The following ALPK2 variants were observed in gnomAD, a reference collection of about 807,000 sequenced individuals.
ALPK2 encodes alpha kinase 2.
ALPK2 carries 127 observed loss-of-function variants against 163.1 expected under a neutral mutation model. The observed-to-expected ratio is 0.78, with a 90% CI of 0.67 to 0.90. The LOEUF is 0.90. Among genes scored for constraint, ALPK2 ranks in the 40% least tolerant of loss-of-function variants. The probability of loss-of-function intolerance (pLI) is 0.00; values close to 1 mark genes in which losing one functional copy is unlikely to be tolerated. For missense variants in ALPK2, 2,360 were observed against 2,589.6 expected (o/e 0.91, Z 1.92); for synonymous variants, 953 against 959.1 (o/e 0.99, Z 0.12).
At chr18:58,501,971 A>G (rs540696654) in intron 11 of ALPK2, among the ~76,000 whole-genome samples, 2 of 152,234 alleles carry the variant, frequency 1.3e-5, no homozygotes, top group East Asian at 1.9e-4. Flanking sequence ...GAATCACTCC[A>G]TATATTTTTA....
At chr18:58,497,935 A>G in intron 12 of ALPK2, 114 bp downstream of exon 12, 1 of 891,680 alleles carries the variant, frequency 1.1e-6, no homozygotes, top group South Asian at 1.5e-5. Context: ...AACATTCGTC[A>G]TCCACAGTTA....
chr18:58,627,447 C>A (rs564142630), intron 1 of ALPK2, among the ~76,000 whole-genome samples: 1 of 149,040 alleles, frequency 6.7e-6, no homozygotes, highest in East Asian at 2.0e-4. Flanking sequence ...ATGGTGAAAC[C>A]CCATCTCAAC....
intron 4 of ALPK2, among the ~76,000 whole-genome samples, chr18:58,574,259 A>T (rs986253981): frequency 1.3e-5 from 2 of 150,830 alleles, no homozygotes; most frequent in African/African-American, 4.9e-5. Context: ...CCTGACCAAC[A>T]TGGTGAAACC....
At position 58,535,525 on chromosome 18, in the gene ALPK2, C is replaced by G; in HGVS notation, c.4662G>C (p.Gly1554=). The G allele has an allele frequency of 4.3e-6, 7 of 1,614,116 alleles. No individual in the cohort carries two copies. Among genetic ancestry groups the G allele is most frequent in the Non-Finnish European group, 5.9e-6 (7 of 1,179,990 alleles). ...CLPIMTHASL[G]VDTHNSTGQI... ...GGCCTGTGGAGTTGTGCGTGTCAAC[C>G]CCAAGAGAAGCGTGAGTCATTATTG... Residue 1554 remains glycine, a synonymous_variant, in exon 5 of 13, where the codon GGG becomes GGC. Transcript: ENST00000361673.
chr18:58,569,632 T>G (rs966872391), intron 4 of ALPK2, among the ~76,000 whole-genome samples: 3 of 152,192 alleles, frequency 2.0e-5, no homozygotes, highest in Non-Finnish European at 4.4e-5. Context: ...TATTGATTAT[T>G]TAACCCTGAC....
At chr18:58,570,305 A>G (rs1384238252) in intron 4 of ALPK2, among the ~76,000 whole-genome samples, 1 of 152,234 alleles carries the variant, frequency 6.6e-6, no homozygotes, top group African/African-American at 2.4e-5. Flanking sequence ...ACTGTATTAC[A>G]AGATGGTTTA....
chr18:58,485,423 C>T (rs2051333626), intron 12 of ALPK2, among the ~76,000 whole-genome samples: 2 of 152,180 alleles, frequency 1.3e-5, no homozygotes, highest in South Asian at 4.1e-4. Flanking sequence ...GCTAAAGCGG[C>T]AGCCTGCAGC....
chr18:58,534,872 T>G lies in ALPK2; in HGVS notation c.5315A>C (p.Gln1772Pro). 3 of 1,611,826 alleles carry G rather than the reference T, an allele frequency of 1.9e-6. No individual in the cohort carries two copies. Among genetic ancestry groups the G allele is most frequent in the Non-Finnish European group, 2.5e-6 (3 of 1,179,330 alleles). The change falls in exon 5 of 13, where the codon CAA (glutamine) becomes CCA (proline). Residue 1772 changes from glutamine to proline, a missense_variant. Transcript: ENST00000361673. ...ETSLSHTEEKQDPKKPSCKRE... is the reference protein window; with the variant it reads ...ETSLSHTEEKPDPKKPSCKRE... The stretch of plus-strand genomic sequence containing the variant: ...TTTGCAAGATGGCTTTTTTGGGTCT[T>G]GTTTCTCTTCTGTGTGTGATAATGA...
chr18:58,595,694 C>T (rs2052037454), intron 3 of ALPK2, among the ~76,000 whole-genome samples: 2 of 152,234 alleles, frequency 1.3e-5, no homozygotes, highest in African/African-American at 4.8e-5. Flanking sequence ...GGGATATAAG[C>T]ATCAATACTT....
At chr18:58,483,142 C>T (rs1021519630) in intron 12 of ALPK2, among the ~76,000 whole-genome samples, 1 of 152,132 alleles carries the variant, frequency 6.6e-6, no homozygotes, top group African/African-American at 2.4e-5. Context: ...TCCTTGTCAC[C>T]GCAGATGAGC....
intron 5 of ALPK2, among the ~76,000 whole-genome samples, chr18:58,533,652 C>T (rs754914046): frequency 2.6e-5 from 4 of 151,958 alleles, no homozygotes; most frequent in Non-Finnish European, 4.4e-5. Context: ...GATGGGGTTT[C>T]GCCATGTTGC....
chr18:58,597,150 T>C (rs1451410078), intron 3 of ALPK2, among the ~76,000 whole-genome samples: 1 of 151,908 alleles, frequency 6.6e-6, no homozygotes, highest in Admixed American at 6.6e-5. Flanking sequence ...TTTAGTCAGG[T>C]GTGGTGGTGG....
rs138127797 is a variant in ALPK2 at position 58,578,738 on chromosome 18, A to ACACACGCGCGCACGCGCGCGCGCG, written c.1962+75_1962+76insCGCGCGCGCGCGTGCGCGCGTGTG. 1.4e-5 allele frequency: 13 copies of ACACACGCGCGCACGCGCGCGCGCG among 936,680 alleles called. 1 individual carries two copies. Among genetic ancestry groups the ACACACGCGCGCACGCGCGCGCGCG allele is most frequent in the African/African-American group, 6.6e-5 (4 of 60,488 alleles). 58.0% of individuals were successfully genotyped at this position (936,680 alleles called of 1,614,324 possible). On this transcript the variant is annotated intron_variant, in intron 4 of 12. Transcript: ENST00000361673. Reference sequence around the variant, plus strand: ...GAATGTGAAGTAAAGGAAGAGACACACACACACACACACACACACACACAC... The same window carrying ACACACGCGCGCACGCGCGCGCGCG: ...GAATGTGAAGTAAAGGAAGAGACACACACACGCGCGCACGCGCGCGCGCGCACACACACACACACACACACACAC...
At chr18:58,510,798 G>A (rs2051486215) in intron 10 of ALPK2, among the ~76,000 whole-genome samples, 1 of 152,068 alleles carries the variant, frequency 6.6e-6, no homozygotes, top group African/African-American at 2.4e-5. Flanking sequence ...GAGATGATGG[G>A]GTTTTCTAGA....
In ALPK2 at chr18:58,537,152, GTAACAGT is replaced by G; in HGVS notation, c.3028_3034del (p.Thr1010ProfsTer50). ...GGCTGGGTGGACTTCGGTGGCAATG[GTAACAGT>G]TGATGTGTCCTCAGTCTCCCTGGTC... On this transcript the variant is annotated frameshift_variant, in exon 5 of 13. Coordinates refer to ENST00000361673, the MANE Select transcript of ALPK2 (RefSeq NM_052947.4). LOFTEE classifies it high-confidence loss of function. The G allele has an allele frequency of 6.4e-7, 1 of 1,574,696 alleles. No individual in the cohort carries two copies. Among genetic ancestry groups the G allele is most frequent in the Middle Eastern group, 1.7e-4 (1 of 6,010 alleles).
intron 4 of ALPK2, among the ~76,000 whole-genome samples, chr18:58,552,629 C>T (rs1190908706): frequency 1.3e-5 from 2 of 152,212 alleles, no homozygotes; most frequent in African/African-American, 4.8e-5. Flanking sequence ...CTGGCCTTGT[C>T]CTAGCTTCTA....
At chr18:58,529,634 A>G (rs1305728091) in intron 5 of ALPK2, among the ~76,000 whole-genome samples, 1 of 152,260 alleles carries the variant, frequency 6.6e-6, no homozygotes, top group Non-Finnish European at 1.5e-5. Flanking sequence ...AGGGAGTAGA[A>G]TAAAATCTGG....
chr18:58,487,868 AC>A (rs2051347956), intron 12 of ALPK2, among the ~76,000 whole-genome samples: 1 of 118,420 alleles, frequency 8.4e-6, no homozygotes, highest in South Asian at 2.7e-4. Flanking sequence ...CAAAACAAAA[AC>A]AAAAACAAAA....
chr18:58,536,451 A>G lies in ALPK2; in HGVS notation c.3736T>C (p.Ser1246Pro). The G allele has an allele frequency of 6.2e-7, 1 of 1,614,088 alleles. No homozygotes were observed. The highest frequency in any genetic ancestry group is 8.5e-7 in the Non-Finnish European group (1 of 1,180,022). The part of the protein sequence containing the change: ...LKIITLEASA[S>P]EIWPPRQLTN... ...AGTTGTCGTGGTGGCCAGATTTCAGAAGCGGAAGCCTCTAGAGTTATAATC... is the reference window on the plus strand; with the variant it reads ...AGTTGTCGTGGTGGCCAGATTTCAGGAGCGGAAGCCTCTAGAGTTATAATC... Residue 1246 changes from serine (S) to proline (P), a missense_variant, in exon 5 of 13, where the codon TCT (serine) becomes CCT (proline). Transcript: ENST00000361673.
Sources: gnomAD v4.1 joint callset for allele counts (sites outside exome capture counted in the v4.1 genomes callset) on GRCh38, gnomAD v4.1.1 for gene constraint, MANE v1.5 for transcripts, NCBI Gene and HGNC (gene_info 2026-07-23, HGNC 2026-07-21) for gene names.